The following IL18RAP variants were observed in gnomAD, a reference collection of about 807,000 sequenced individuals.
The protein encoded by IL18RAP is interleukin 18 receptor accessory protein.
In IL18RAP, 37 loss-of-function variants were observed where a neutral mutation model predicts 58.1. That is an observed-to-expected ratio of 0.64 (90% CI 0.49 to 0.84). IL18RAP has a LOEUF of 0.84. Among genes scored for constraint, IL18RAP ranks in the 40% least tolerant of loss-of-function variants. The pLI, the probability that IL18RAP is intolerant of heterozygous loss-of-function variation, is 0.00. For synonymous variants in IL18RAP, 268 were observed against 257.5 expected (o/e 1.04, Z -0.39); for missense variants, 667 against 704.8 (o/e 0.95, Z 0.61).
rs749979341 is a variant in IL18RAP at position 102,424,109 on chromosome 2, A to G, written c.369A>G (p.Ser123=). ...CCCCAGGGGTGAATAATTCTGGGTCATATATTTGTAGACCCAAGATGATTA... is the reference window on the plus strand; with the variant it reads ...CCCCAGGGGTGAATAATTCTGGGTCGTATATTTGTAGACCCAAGATGATTA... The part of the protein sequence containing the change: ...FLTPGVNNSG[S]YICRPKMIKS... The change falls in exon 2 of 10, where the codon TCA becomes TCG. Residue 123 remains serine, a synonymous_variant. Coordinates refer to ENST00000687160, the MANE Select transcript of IL18RAP (RefSeq NM_001393487.1). 1 of 1,612,704 alleles carries G rather than the reference A, an allele frequency of 6.2e-7. No individual in the cohort carries two copies. Among genetic ancestry groups the G allele is most frequent in the Non-Finnish European group, 8.5e-7 (1 of 1,178,896 alleles).
chr2:102,445,479 T>A, intron 7 of IL18RAP, 139 bp downstream of exon 7: 1 of 863,906 alleles, frequency 1.2e-6, no homozygotes, highest in Non-Finnish European at 1.8e-6. Flanking sequence ...TTTCCTGGTG[T>A]CAACCCATTT....
At chr2:102,446,495 T>C (rs533320684) in intron 7 of IL18RAP, among the ~76,000 whole-genome samples, 1 of 152,268 alleles carries the variant, frequency 6.6e-6, no homozygotes, top group Non-Finnish European at 1.5e-5. Context: ...GTTGTATTAT[T>C]CTTATGCCTT....
chr2:102,445,456 T>C, intron 7 of IL18RAP, 116 bp downstream of exon 7: 1 of 1,115,484 alleles, frequency 9.0e-7, no homozygotes. Context: ...GTGACAGACA[T>C]TGTTTTAAGC....
At chr2:102,427,889 T>C (rs1467680953) in intron 3 of IL18RAP, among the ~76,000 whole-genome samples, 1 of 152,008 alleles carries the variant, frequency 6.6e-6, no homozygotes, top group Non-Finnish European at 1.5e-5. Context: ...TGCTATGAGA[T>C]ACAATTTCAT....
In IL18RAP at chr2:102,446,789, C is replaced by T. The variant is rs539213554; in HGVS notation, c.1073-281C>T. 2.1e-4 allele frequency among the ~76,000 whole-genome samples: 26 copies of T among 124,852 alleles called. No homozygotes were observed. In the South Asian group the frequency reaches 5.6e-3, roughly 27 times the overall value. The allele number at this position is 124,852 out of a possible 152,430, so 81.9% of individuals were successfully genotyped here. On this transcript the variant is annotated intron_variant, in intron 7 of 9. Transcript: ENST00000687160. ...TCCAGCCTGGGCGACATACAGACTC[C>T]GTCTCCAAAAAAAAAAAAAAAAAGT...
intron 3 of IL18RAP, among the ~76,000 whole-genome samples, chr2:102,425,426 A>T (rs1681877273): frequency 6.6e-6 from 1 of 152,192 alleles, no homozygotes; most frequent in African/African-American, 2.4e-5. Flanking sequence ...ATGTTATCAC[A>T]TCCTTTACAG....
rs769486453 is a variant in IL18RAP at position 102,443,328 on chromosome 2, GA to G, written c.920+12del. The G allele has an allele frequency of 3.2e-5, 51 of 1,608,692 alleles. No individual in the cohort carries two copies. The highest frequency in any genetic ancestry group is 4.1e-5 in the Non-Finnish European group (48 of 1,178,870). On this transcript the variant is annotated splice_donor_region_variant and intron_variant, in intron 6 of 9. Coordinates refer to ENST00000687160, the MANE Select transcript of IL18RAP (RefSeq NM_001393487.1). Reference sequence around the variant, plus strand: ...CTCAGTACCTGAGGCGAAAAGGTAAGAAAAAAACTCACGGATTCTGTTCTCT... The same window carrying G: ...CTCAGTACCTGAGGCGAAAAGGTAAGAAAAAACTCACGGATTCTGTTCTCT...
At chr2:102,438,528 T>C (rs1441048822) in intron 4 of IL18RAP, among the ~76,000 whole-genome samples, 4 of 152,266 alleles carry the variant, frequency 2.6e-5, no homozygotes, top group East Asian at 3.9e-4. Context: ...AATACCCCAC[T>C]CGCACCACTT....
intron 3 of IL18RAP, chr2:102,433,907 G>C (rs1175731468): frequency 6.6e-6 from 1 of 152,264 alleles, no homozygotes; most frequent in Non-Finnish European, 1.5e-5. Flanking sequence ...ACTGGCACCT[G>C]TTGGCATCCT....
chr2:102,436,268 C>T (rs985303784), intron 3 of IL18RAP, among the ~76,000 whole-genome samples: 2 of 152,146 alleles, frequency 1.3e-5, no homozygotes, highest in African/African-American at 2.4e-5. Flanking sequence ...ATTTATGACA[C>T]GCCTCTCCCC....
chr2:102,421,629 G>A (rs17027108), upstream of IL18RAP, among the ~76,000 whole-genome samples: 1,272 of 152,254 alleles, frequency 8.4e-3, 18 homozygotes, highest in African/African-American at 0.028. Context: ...CAGCAATGGG[G>A]ATAATGCAGT....
At chr2:102,431,997 A>G (rs568431362) in intron 3 of IL18RAP, among the ~76,000 whole-genome samples, 1 of 152,068 alleles carries the variant, frequency 6.6e-6, no homozygotes, top group East Asian at 1.9e-4. Context: ...TTGATTTTTC[A>G]TAATCATTGT....
chr2:102,451,126 T>C, intron 9 of IL18RAP, 105 bp downstream of exon 9: 1 of 873,306 alleles, frequency 1.1e-6, no homozygotes, highest in Non-Finnish European at 1.7e-6. Context: ...ATCTGGGAGA[T>C]TACATGAGGT....
In IL18RAP at chr2:102,423,298, A is replaced by G; in HGVS notation, c.21A>G (p.Ile7Met). MLCLGW[I>M]FLWLVAGERI... ...GAACAATGCTCTGTTTGGGCTGGAT[A>G]TTTCTTTGGCTTGTTGCAGGAGAGC... is the stretch of plus-strand genomic sequence containing the variant. The change falls in exon 1 of 10, where the codon ATA (isoleucine) becomes ATG (methionine). Residue 7 changes from isoleucine to methionine, a missense_variant. Transcript: ENST00000687160. 4 of 1,614,084 alleles carry G rather than the reference A, an allele frequency of 2.5e-6. No individual in the cohort carries two copies. Among genetic ancestry groups the G allele is most frequent in the Non-Finnish European group, 3.4e-6 (4 of 1,179,962 alleles).
chr2:102,431,545 A>T (rs1330907215), intron 3 of IL18RAP, among the ~76,000 whole-genome samples: 1 of 152,028 alleles, frequency 6.6e-6, no homozygotes, highest in Non-Finnish European at 1.5e-5. Context: ...AAAATTCCTA[A>T]TATGTGAATC....
chr2:102,445,619 C>T (rs1173081069), intron 7 of IL18RAP, among the ~76,000 whole-genome samples: 4 of 152,206 alleles, frequency 2.6e-5, no homozygotes, highest in African/African-American at 2.4e-5. Context: ...CATTCATTCA[C>T]GCATTCATTC....
At chr2:102,446,833 C>G (rs1019072557) in intron 7 of IL18RAP, among the ~76,000 whole-genome samples, 2 of 152,000 alleles carry the variant, frequency 1.3e-5, no homozygotes, top group Non-Finnish European at 2.9e-5. Flanking sequence ...TAATGGTCTC[C>G]AACTCCATCC....
intron 3 of IL18RAP, among the ~76,000 whole-genome samples, chr2:102,433,627 C>A (rs1573278813): frequency 6.6e-6 from 1 of 152,190 alleles, no homozygotes; most frequent in East Asian, 1.9e-4. Context: ...CTCACTGCAA[C>A]CTCCACCTCC....
intron 3 of IL18RAP, among the ~76,000 whole-genome samples, chr2:102,428,126 C>T (rs185506147): frequency 1.0e-3 from 155 of 151,642 alleles, no homozygotes; most frequent in African/African-American, 3.3e-3. Context: ...TTTGAAATCA[C>T]GGAGTATGAA....
Sources: gnomAD v4.1 joint callset for allele counts (sites outside exome capture counted in the v4.1 genomes callset) on GRCh38, gnomAD v4.1.1 for gene constraint, MANE v1.5 for transcripts, NCBI Gene and HGNC (gene_info 2026-07-23, HGNC 2026-07-21) for gene names.